The following KCNH5 variants were observed in gnomAD, a reference collection of about 807,000 sequenced individuals.
The protein encoded by KCNH5 is voltage-gated delayed rectifier potassium channel KCNH5.
In KCNH5, 46 loss-of-function variants were observed where a neutral mutation model predicts 96.1. The observed-to-expected ratio is 0.48, with a 90% CI of 0.38 to 0.61. KCNH5 has a LOEUF of 0.61. KCNH5 is among the 20% of genes least tolerant of loss of function. The pLI is 0.00. For synonymous variants in KCNH5, 439 were observed against 449.8 expected, an observed-to-expected ratio of 0.98 and a Z score of 0.30; for missense variants, 907 against 1,225.8, an observed-to-expected ratio of 0.74 and a Z score of 3.88.
At chr14:62,709,497 G>A (rs1257424437) in intron 10 of KCNH5, among the ~76,000 whole-genome samples, 3 of 152,068 alleles carry the variant, frequency 2.0e-5, no homozygotes, top group Non-Finnish European at 4.4e-5. Flanking sequence ...GAAAACTCAT[G>A]ATCGTTCTAC....
intron 8 of KCNH5, among the ~76,000 whole-genome samples, chr14:62,805,074 C>T (rs903474611): frequency 3.3e-5 from 5 of 151,956 alleles, no homozygotes; most frequent in East Asian, 1.9e-4. Flanking sequence ...TCTAGAAGAA[C>T]GAAAAAATTT....
At chr14:62,853,683 T>G (rs1887870090) in intron 7 of KCNH5, among the ~76,000 whole-genome samples, 1 of 151,574 alleles carries the variant, frequency 6.6e-6, no homozygotes. Flanking sequence ...TCACTTGGTC[T>G]GTTTCCGCTC....
chr14:63,042,968 C>T (rs1399280256), intron 1 of KCNH5, among the ~76,000 whole-genome samples: 3 of 152,018 alleles, frequency 2.0e-5, no homozygotes, highest in Admixed American at 6.6e-5. Context: ...CATTTAAGTG[C>T]CAAAACAGAT....
At position 62,707,751 on chromosome 14, in the gene KCNH5, G is replaced by A. The variant is rs1595587278; in HGVS notation, c.2724C>T (p.Thr908=). The part of the protein sequence containing the change: ...FYPIPEQALQ[T]TLQEVKHELK... ...GTTCGTGTTTGACTTCCTGCAGTGT[G>A]GTCTGTAAGGCCTGCTCGGGGATGG... The change falls in exon 11 of 11, where the codon ACC becomes ACT. Residue 908 remains threonine (T), a synonymous_variant. Transcript: ENST00000322893. 1 of 1,613,978 alleles carries A rather than the reference G, an allele frequency of 6.2e-7. No homozygotes were observed. The highest frequency in any genetic ancestry group is 8.5e-7 in the Non-Finnish European group (1 of 1,179,932).
intron 7 of KCNH5, among the ~76,000 whole-genome samples, chr14:62,888,474 C>G (rs1416590016): frequency 6.6e-6 from 1 of 152,144 alleles, no homozygotes; most frequent in Non-Finnish European, 1.5e-5. Flanking sequence ...TTACACCTAA[C>G]CTGGCAGTGG....
chr14:62,845,025 A>G (rs765622998), intron 8 of KCNH5, among the ~76,000 whole-genome samples: 3 of 152,206 alleles, frequency 2.0e-5, no homozygotes, highest in Non-Finnish European at 4.4e-5. Context: ...CAGAGAAGAG[A>G]AGCATTAAAA....
rs1004818844 is a variant in KCNH5 at position 62,919,113 on chromosome 14, T to C, written c.1369+31020A>G. ...GAAATTGATTACAAAAAGTGTAGTA[T>C]AGTTTCATACATAAAAATGCTATAT... is the stretch of plus-strand genomic sequence containing the variant. On this transcript the variant is annotated intron_variant, in intron 7 of 10. Transcript: ENST00000322893. Among the ~76,000 whole-genome samples the C allele has an allele frequency of 4.6e-5, 7 of 152,252 alleles. No homozygotes were observed. In the East Asian group the frequency reaches 5.8e-4, roughly 13 times the overall value.
chr14:62,989,951 C>A (rs1890779198), intron 4 of KCNH5, among the ~76,000 whole-genome samples: 1 of 151,886 alleles, frequency 6.6e-6, no homozygotes, highest in Admixed American at 6.6e-5. Context: ...CACCTTACAT[C>A]AATAGAATGT....
At chr14:62,977,631 C>T (rs555426561) in intron 6 of KCNH5, among the ~76,000 whole-genome samples, 5 of 151,986 alleles carry the variant, frequency 3.3e-5, no homozygotes, top group Non-Finnish European at 7.4e-5. Flanking sequence ...AAAATGGTTG[C>T]CTCTAGGGTC....
intron 8 of KCNH5, among the ~76,000 whole-genome samples, chr14:62,807,886 C>G (rs1189132849): frequency 6.6e-6 from 1 of 152,056 alleles, no homozygotes; most frequent in Non-Finnish European, 1.5e-5. Context: ...GTTAGGCCTC[C>G]TAAATGCTTC....
intron 1 of KCNH5, among the ~76,000 whole-genome samples, chr14:63,038,947 G>A (rs908030135): frequency 1.3e-5 from 2 of 151,976 alleles, no homozygotes; most frequent in Admixed American, 6.6e-5. Flanking sequence ...AAAGGAATTT[G>A]TTTCATAAAT....
At chr14:62,781,681 G>A (rs962113406) in intron 9 of KCNH5, among the ~76,000 whole-genome samples, 17 of 152,152 alleles carry the variant, frequency 1.1e-4, no homozygotes, top group African/African-American at 3.6e-4. Context: ...CTGTTCCGCC[G>A]GGCTCACCGG....
intron 7 of KCNH5, among the ~76,000 whole-genome samples, chr14:62,886,778 G>T (rs1888606869): frequency 6.6e-6 from 1 of 152,088 alleles, no homozygotes; most frequent in Non-Finnish European, 1.5e-5. Context: ...ATAGTTTGAG[G>T]TTTATAAAGC....
chr14:62,869,939 A>T (rs1237658035), intron 7 of KCNH5, among the ~76,000 whole-genome samples: 1 of 152,192 alleles, frequency 6.6e-6, no homozygotes, highest in Non-Finnish European at 1.5e-5. Context: ...CTTATACAAA[A>T]ATTAACTCAA....
rs112325781 is a variant in KCNH5 at position 62,859,234 on chromosome 14, C to T, written c.1370-9382G>A. Among the ~76,000 whole-genome samples, 674 of 152,234 alleles carry T rather than the reference C, an allele frequency of 4.4e-3. 5 individuals carry two copies. The highest frequency in any genetic ancestry group is 0.015 in the African/African-American group (633 of 41,530). On this transcript the variant is annotated intron_variant, in intron 7 of 10. Coordinates refer to ENST00000322893, the MANE Select transcript of KCNH5 (RefSeq NM_139318.5). ...ATTACCCAGAGTAATGGTGCCATAT[C>T]GAGGGCTCGGTGTTGGTCTCTGTTG...
intron 10 of KCNH5, among the ~76,000 whole-genome samples, chr14:62,715,113 G>A (rs1057274644): frequency 2.0e-5 from 3 of 152,090 alleles, no homozygotes; most frequent in African/African-American, 7.2e-5. Flanking sequence ...GGCCAACTGA[G>A]CTTTCCATTT....
intron 7 of KCNH5, among the ~76,000 whole-genome samples, chr14:62,940,112 C>G (rs1889760347): frequency 6.6e-6 from 1 of 152,144 alleles, no homozygotes; most frequent in South Asian, 2.1e-4. Context: ...TTGTCTGACT[C>G]CAAAGTCCAC....
chr14:62,915,941 CT>C (rs912643210), intron 7 of KCNH5, among the ~76,000 whole-genome samples: 15 of 146,694 alleles, frequency 1.0e-4, no homozygotes, highest in African/African-American at 3.0e-4. Context: ...TTCTTTTTTT[CT>C]TTTTTTTTCT....
In KCNH5 at chr14:62,699,909, TA is replaced by T. The variant is rs2139892418; in HGVS notation, c.*7598del. On this transcript the variant is annotated 3_prime_UTR_variant, in exon 11 of 11. Coordinates refer to ENST00000322893, the MANE Select transcript of KCNH5 (RefSeq NM_139318.5). Reference sequence around the variant, plus strand: ...CAAGTACTGCTTAGCATAATGGTATTAAAAACATCCCACATGAAATTTTTGC... The same window carrying T: ...CAAGTACTGCTTAGCATAATGGTATTAAAACATCCCACATGAAATTTTTGC... 1 of 152,340 alleles carries T rather than the reference TA, an allele frequency of 6.6e-6. No homozygotes were observed. The highest frequency in any genetic ancestry group is 2.4e-5 in the African/African-American group (1 of 41,588). The allele number at this position is 152,340 out of a possible 1,614,324, so 9.4% of individuals were successfully genotyped here. A position where few individuals can be genotyped will look rare whatever the true frequency, so the allele number is the denominator to read the frequency against.
Sources: allele counts gnomAD v4.1 joint callset (sites outside exome capture counted in the v4.1 genomes callset), GRCh38; gene constraint gnomAD v4.1.1; transcripts MANE v1.5; gene names NCBI Gene and HGNC (gene_info 2026-07-23, HGNC 2026-07-21).